Variants in GRIP1 observed in about 807,000 individuals in gnomAD.
GRIP1 encodes glutamate receptor-interacting protein 1.
In GRIP1, 45 loss-of-function variants were observed where a neutral mutation model predicts 129.9. That is an observed-to-expected ratio of 0.35 (90% confidence interval 0.27 to 0.44). GRIP1 has a LOEUF of 0.44. Ranked by LOEUF, GRIP1 falls within the 20% of genes least tolerant of loss-of-function variation. The probability of loss-of-function intolerance (pLI) is 1.00; values close to 1 mark genes in which losing one functional copy is unlikely to be tolerated. For missense variants in GRIP1, 1,196 were observed against 1,396.8 expected, an observed-to-expected ratio of 0.86 and a Z score of 2.29; for synonymous variants, 530 against 520.8, an observed-to-expected ratio of 1.02 and a Z score of -0.24.
chr12:66,892,477 G>C (rs1261455001), intron 1 of GRIP1, among the ~76,000 whole-genome samples: 2 of 152,144 alleles, frequency 1.3e-5, no homozygotes, highest in East Asian at 3.8e-4. Context: ...TCACCAATGA[G>C]AGCAAGTTAC....
chr12:66,669,682 C>A (rs2033982219), intron 1 of GRIP1, among the ~76,000 whole-genome samples: 1 of 152,138 alleles, frequency 6.6e-6, no homozygotes, highest in Non-Finnish European at 1.5e-5. Context: ...TTTGTCGGGG[C>A]ATGCCTTGAT....
At chr12:66,737,021 C>T (rs983205329) in intron 1 of GRIP1, among the ~76,000 whole-genome samples, 6 of 151,282 alleles carry the variant, frequency 4.0e-5, no homozygotes, top group African/African-American at 1.5e-4. Context: ...GGTACAGCTG[C>T]GAAGCGGCAA....
At chr12:67,068,178 A>C (rs1592539454) in intron 1 of GRIP1, among the ~76,000 whole-genome samples, 1 of 152,234 alleles carries the variant, frequency 6.6e-6, no homozygotes, top group East Asian at 1.9e-4. Context: ...TGCACCATCC[A>C]AACACCATGA....
At chr12:66,383,678 C>T (rs1159157979) in intron 19 of GRIP1, among the ~76,000 whole-genome samples, 1 of 152,184 alleles carries the variant, frequency 6.6e-6, no homozygotes, top group Non-Finnish European at 1.5e-5. Flanking sequence ...CAAGAAAAGG[C>T]ATGACTAGGC....
intron 23 of GRIP1, among the ~76,000 whole-genome samples, chr12:66,357,945 G>A (rs2054570711): frequency 6.6e-6 from 1 of 152,182 alleles, no homozygotes; most frequent in Admixed American, 6.5e-5. Context: ...CCAGGCTGGA[G>A]TGCAGTGGCA....
At chr12:66,910,783 T>C (rs2041016549) in intron 1 of GRIP1, among the ~76,000 whole-genome samples, 1 of 152,082 alleles carries the variant, frequency 6.6e-6, no homozygotes, top group Non-Finnish European at 1.5e-5. Flanking sequence ...TAAAACTATG[T>C]CCCTAGAAGT....
chr12:66,433,825 G>T (rs2058221516), intron 13 of GRIP1, among the ~76,000 whole-genome samples: 1 of 152,176 alleles, frequency 6.6e-6, no homozygotes, highest in South Asian at 2.1e-4. Flanking sequence ...GGATGGGTGA[G>T]CTATCCACTT....
intron 1 of GRIP1, among the ~76,000 whole-genome samples, chr12:67,059,639 G>C (rs556149168): frequency 6.6e-6 from 1 of 152,304 alleles, no homozygotes; most frequent in South Asian, 2.1e-4. Flanking sequence ...CAGTGGGAAT[G>C]GAAACTTGAA....
At chr12:66,988,454 A>G (rs926551683) in intron 1 of GRIP1, among the ~76,000 whole-genome samples, 1 of 152,018 alleles carries the variant, frequency 6.6e-6, no homozygotes, top group Non-Finnish European at 1.5e-5. Flanking sequence ...ATCTCGGCTC[A>G]CTGCAACCTC....
intron 1 of GRIP1, among the ~76,000 whole-genome samples, chr12:67,060,547 G>A (rs1025118993): frequency 6.6e-6 from 1 of 152,180 alleles, no homozygotes; most frequent in Non-Finnish European, 1.5e-5. Context: ...TTGGCCGGGT[G>A]TAGTGGCTCA....
chr12:66,382,484 A>G (rs2056155464), intron 19 of GRIP1, among the ~76,000 whole-genome samples: 2 of 152,200 alleles, frequency 1.3e-5, no homozygotes, highest in Non-Finnish European at 2.9e-5. Context: ...GGGGATAACA[A>G]TAGGTAGTTT....
At chr12:66,964,691 C>T (rs1309066638) in intron 1 of GRIP1, among the ~76,000 whole-genome samples, 1 of 152,188 alleles carries the variant, frequency 6.6e-6, no homozygotes, top group Non-Finnish European at 1.5e-5. Flanking sequence ...ATAACACATA[C>T]TCCGATTATG....
intron 1 of GRIP1, among the ~76,000 whole-genome samples, chr12:66,796,094 T>G (rs1275581327): frequency 2.0e-5 from 3 of 151,844 alleles, no homozygotes; most frequent in African/African-American, 7.3e-5. Context: ...CACCCCCACT[T>G]TAGACAATCC....
chr12:67,017,277 C>G (rs1186032273), intron 1 of GRIP1, among the ~76,000 whole-genome samples: 1 of 151,886 alleles, frequency 6.6e-6, no homozygotes, highest in East Asian at 1.9e-4. Context: ...TGCCAGCAAC[C>G]ATCCCAGTTT....
intron 1 of GRIP1, among the ~76,000 whole-genome samples, chr12:67,064,790 T>C (rs1353359935): frequency 6.6e-6 from 1 of 152,088 alleles, no homozygotes; most frequent in Non-Finnish European, 1.5e-5. Context: ...TTAGGGTACA[T>C]GTGCACAATG....
At chr12:66,695,203 C>A (rs1308977573) in intron 1 of GRIP1, among the ~76,000 whole-genome samples, 1 of 151,886 alleles carries the variant, frequency 6.6e-6, no homozygotes, top group East Asian at 1.9e-4. Flanking sequence ...GAGGAGGAGC[C>A]TTGCTCATAG....
At chr12:66,736,215 G>A (rs187914975) in intron 1 of GRIP1, among the ~76,000 whole-genome samples, 28 of 151,934 alleles carry the variant, frequency 1.8e-4, no homozygotes, top group Admixed American at 5.3e-4. Flanking sequence ...GCCTAGGCTG[G>A]AATACAGTGG....
chr12:66,875,091 T>C (rs1354065741), intron 1 of GRIP1, among the ~76,000 whole-genome samples: 1 of 152,054 alleles, frequency 6.6e-6, no homozygotes, highest in Non-Finnish European at 1.5e-5. Context: ...AGGCATTTAA[T>C]AAGCATTTGT....
chr12:67,001,289 T>C (rs1374960459), intron 1 of GRIP1, among the ~76,000 whole-genome samples: 6 of 152,126 alleles, frequency 3.9e-5, no homozygotes, highest in African/African-American at 1.4e-4. Context: ...TACTGAGAGC[T>C]TGTGGGCTAT....
Sources: gnomAD v4.1 joint callset for allele counts (sites outside exome capture counted in the v4.1 genomes callset) on GRCh38, gnomAD v4.1.1 for gene constraint, MANE v1.5 for transcripts, NCBI Gene and HGNC (gene_info 2026-07-23, HGNC 2026-07-21) for gene names.